Variants in UGT1A5 observed in about 807,000 individuals in gnomAD.
UGT1A5 encodes the protein UDP glucuronosyltransferase family 1 member A5.
UGT1A5 carries 29 observed loss-of-function variants against 40.3 expected under a neutral mutation model. The observed-to-expected ratio is 0.72, with a 90% CI of 0.54 to 0.98. UGT1A5 has a LOEUF of 0.98. UGT1A5 is among the 50% of genes least tolerant of loss of function. UGT1A5 has a pLI of 0.00. For missense variants in UGT1A5, 678 were observed against 677.9 expected (o/e 1.00, Z 0.00); for synonymous variants, 257 against 262.5 (o/e 0.98, Z 0.20).
chr2:233,744,535 T>A (rs2125863859), intron 1 of UGT1A5, among the ~76,000 whole-genome samples: 1 of 152,076 alleles, frequency 6.6e-6, no homozygotes, highest in East Asian at 1.9e-4. Flanking sequence ...TATTTTTATG[T>A]AAATTTTATT....
At chr2:233,731,154 A>G (rs2125760855) in intron 1 of UGT1A5, among the ~76,000 whole-genome samples, 1 of 152,228 alleles carries the variant, frequency 6.6e-6, no homozygotes, top group East Asian at 1.9e-4. Context: ...TTTCTTTTTG[A>G]TCAAACGACA....
chr2:233,769,853 G>T lies in UGT1A5; in HGVS notation c.1307+1414G>T. On this transcript the variant is annotated intron_variant, in intron 4 of 4. Transcript: ENST00000373414. This position sits in a 1 kb window ranked among gnomAD's most constrained non-coding sequence, Gnocchi z 4.4. ...AACCTGGGCAACAGAGTGAGACCCT[G>T]TCTCAAAAAAAAAAAAAAAAATGAA... The T allele has an allele frequency of 4.6e-5, 18 of 388,562 alleles. No individual in the cohort carries two copies. The highest frequency in any genetic ancestry group is 9.6e-5 in the East Asian group (2 of 20,776). 24.1% of individuals were successfully genotyped at this position (388,562 alleles called of 1,614,324 possible).
intron 1 of UGT1A5, among the ~76,000 whole-genome samples, chr2:233,715,415 T>A (rs2076450298): frequency 6.6e-6 from 1 of 152,186 alleles, no homozygotes; most frequent in Non-Finnish European, 1.5e-5. Context: ...TAAAATACAT[T>A]TTATCTGATA....
rs1379096490 is a variant in UGT1A5 at position 233,719,774 on chromosome 2, C to T, written c.867+5916C>T. ...TTACTTACAAGTGCTTCCATATCTA[C>T]TTATCTTTCCAAAGATTTTATTTTG... On this transcript the variant is annotated intron_variant, in intron 1 of 4. Coordinates refer to ENST00000373414, the MANE Select transcript of UGT1A5 (RefSeq NM_019078.2). 23 of 1,611,342 alleles carry T rather than the reference C, an allele frequency of 1.4e-5. No individual in the cohort carries two copies. The Admixed American group carries it at 3.8e-4, about 27-fold the overall frequency.
chr2:233,733,834 A>G (rs887366512), intron 1 of UGT1A5, among the ~76,000 whole-genome samples: 1 of 152,086 alleles, frequency 6.6e-6, no homozygotes, highest in Admixed American at 6.6e-5. Flanking sequence ...TGAGTTAGGG[A>G]GGATTCCCTC....
intron 1 of UGT1A5, among the ~76,000 whole-genome samples, chr2:233,749,857 C>T (rs2125901015): frequency 6.6e-6 from 1 of 152,096 alleles, no homozygotes; most frequent in Middle Eastern, 3.4e-3. Flanking sequence ...CTCTCTCTCA[C>T]TTTCTGCCAG....
intron 1 of UGT1A5, among the ~76,000 whole-genome samples, chr2:233,764,715 A>C (rs1025640523): frequency 2.0e-5 from 3 of 152,182 alleles, no homozygotes; most frequent in African/African-American, 7.2e-5. Context: ...TGTCTCCCCA[A>C]GAAAGAGGGA....
chr2:233,729,701 C>G, intron 1 of UGT1A5: 1 of 1,613,960 alleles, frequency 6.2e-7, no homozygotes. Flanking sequence ...AACCCTTCCT[C>G]CTATATTCCT....
In UGT1A5 at chr2:233,747,480, G is replaced by C. The variant is rs1693691129; in HGVS notation, c.868-19554G>C. On this transcript the variant is annotated intron_variant, in intron 1 of 4. Transcript: ENST00000373414. ...CATTTCATGGACCCAGGATGAATTT[G>C]ATCGCCTTGTGCTGGGCCACACTCA... is the stretch of plus-strand genomic sequence containing the variant. 6 of 1,608,868 alleles carry C rather than the reference G, an allele frequency of 3.7e-6. No homozygotes were observed. The South Asian group carries it at 5.5e-5, about 15-fold the overall frequency.
intron 1 of UGT1A5, chr2:233,748,172 T>A: frequency 6.3e-7 from 1 of 1,584,752 alleles, no homozygotes; most frequent in Non-Finnish European, 8.6e-7. Context: ...TCTACTTATC[T>A]TTCTGGTGCT....
rs1312767733 is a variant in UGT1A5, at chr2:233,718,748, A to C, written c.867+4890A>C. 2.5e-6 allele frequency: 4 copies of C among 1,612,148 alleles called. No homozygotes were observed. In the African/African-American group the frequency reaches 5.3e-5, roughly 22 times the overall value. ...TGCTAGGTGGCTCAATGACAAGGTA[A>C]TTAAGGCGAAGGAAACAAATGTAGC... is the stretch of plus-strand genomic sequence containing the variant. On this transcript the variant is annotated intron_variant, in intron 1 of 4. Coordinates refer to ENST00000373414, the MANE Select transcript of UGT1A5 (RefSeq NM_019078.2).
intron 1 of UGT1A5, among the ~76,000 whole-genome samples, chr2:233,721,343 A>G (rs2076939379): frequency 6.6e-6 from 1 of 152,156 alleles, no homozygotes; most frequent in South Asian, 2.1e-4. Flanking sequence ...CTATGAATAT[A>G]TTCTTTAGAC....
At chr2:233,728,962 C>G (rs1481350452) in intron 1 of UGT1A5, 1 of 1,451,462 alleles carries the variant, frequency 6.9e-7, no homozygotes. Context: ...CAGTGAAAAA[C>G]AGTGATAGAT....
At position 233,768,454 on chromosome 2, in the gene UGT1A5, A is replaced by C; in HGVS notation, c.1307+15A>C. The stretch of plus-strand genomic sequence containing the variant: ...AATGACAAAAGGTAAGAAAGAAGAT[A>C]CAGAAGAATACTTTGGTCATGGCAT... On this transcript the variant is annotated intron_variant, in intron 4 of 4. Coordinates refer to ENST00000373414, the MANE Select transcript of UGT1A5 (RefSeq NM_019078.2). The C allele has an allele frequency of 6.2e-7, 1 of 1,610,684 alleles. No individual in the cohort carries two copies.
chr2:233,713,285 A>G lies in UGT1A5; in HGVS notation c.294A>G (p.Gln98=), dbSNP rs762192447. 2.5e-6 allele frequency: 4 copies of G among 1,614,230 alleles called. 1 individual carries two copies. Among genetic ancestry groups the G allele is most frequent in the South Asian group, 2.2e-5 (2 of 91,084 alleles). ...ATCGCCTTTTGCTGGGTCACACTCA[A>G]TCGTTCTTTGAAACAGAACATCTTC... ...EFDRLLLGHT[Q]SFFETEHLLM... The change falls in exon 1 of 5, where the codon CAA becomes CAG. Residue 98 remains glutamine (Q), a synonymous_variant. Transcript: ENST00000373414.
intron 1 of UGT1A5, chr2:233,729,581 A>AC (rs752036126): frequency 6.8e-6 from 11 of 1,613,946 alleles, no homozygotes. Context: ...GTTTTAACAG[A>AC]CCCCGTTAAC....
chr2:233,748,177 G>A, intron 1 of UGT1A5: 1 of 1,581,678 alleles, frequency 6.3e-7, no homozygotes, highest in Middle Eastern at 2.3e-4. Context: ...TTATCTTTCT[G>A]GTGCTTTTAT....
At position 233,713,265 on chromosome 2, in the gene UGT1A5, C is replaced by A. The variant is rs770209123; in HGVS notation, c.274C>A (p.Leu92Ile). 1.2e-6 allele frequency: 2 copies of A among 1,614,232 alleles called. No individual in the cohort carries two copies. The highest frequency in any genetic ancestry group is 2.2e-5 in the East Asian group (1 of 44,886). ...ISWTQDEFDRLLLGHTQSFFE... is the reference protein window; with the variant it reads ...ISWTQDEFDRILLGHTQSFFE... ...ATGGACCCAGGACGAATTTGATCGC[C>A]TTTTGCTGGGTCACACTCAATCGTT... Residue 92 changes from leucine (L) to isoleucine (I), a missense_variant, in exon 1 of 5, where the codon CTT (leucine) becomes ATT (isoleucine). By Grantham distance (5) the Leu-to-Ile change is conservative. Transcript: ENST00000373414.
chr2:233,725,993 G>C (rs28899191), intron 1 of UGT1A5, among the ~76,000 whole-genome samples: 10,378 of 151,980 alleles, frequency 0.068, 500 homozygotes, highest in East Asian at 0.2. Flanking sequence ...TGCTGAGACT[G>C]CATCTCTACA....
Sources: gnomAD v4.1 joint callset for allele counts (sites outside exome capture counted in the v4.1 genomes callset) on GRCh38, gnomAD v4.1.1 for gene constraint, Gnocchi (gnomAD v3.1) non-coding constraint, MANE v1.5 for transcripts, NCBI Gene and HGNC (gene_info 2026-07-23, HGNC 2026-07-21) for gene names.